Variants in COX7B2 observed in about 807,000 individuals in gnomAD.
The protein encoded by COX7B2 is cytochrome c oxidase subunit 7B2, mitochondrial.
For missense variants in COX7B2, 109 were observed against 95.9 expected (o/e 1.14, Z -0.57); for synonymous variants, 37 against 32.1 (o/e 1.15, Z -0.51).
intron 1 of COX7B2, among the ~76,000 whole-genome samples, chr4:46,903,721 T>A (rs970976515): frequency 1.3e-5 from 2 of 152,206 alleles, no homozygotes; most frequent in Admixed American, 1.3e-4. Context: ...GACCATTGTG[T>A]TACAAGGACC....
intron 1 of COX7B2, among the ~76,000 whole-genome samples, chr4:46,888,836 G>A (rs941540769): frequency 6.6e-6 from 1 of 152,094 alleles, no homozygotes; most frequent in African/African-American, 2.4e-5. Flanking sequence ...GTATCTTCCT[G>A]TAATCCCTCA....
At chr4:46,781,417 C>T (rs982349873) in intron 2 of COX7B2, among the ~76,000 whole-genome samples, 2 of 152,202 alleles carry the variant, frequency 1.3e-5, no homozygotes, top group East Asian at 3.9e-4. Flanking sequence ...GATACACCTT[C>T]CTCAGACATA....
At chr4:46,869,567 G>T (rs1717865073) in intron 1 of COX7B2, among the ~76,000 whole-genome samples, 1 of 151,944 alleles carries the variant, frequency 6.6e-6, no homozygotes, top group South Asian at 2.1e-4. Flanking sequence ...AGGTCTGGTG[G>T]GTAACAAACT....
At chr4:46,800,083 T>C (rs1338528825) in intron 2 of COX7B2, among the ~76,000 whole-genome samples, 1 of 152,088 alleles carries the variant, frequency 6.6e-6, no homozygotes, top group Admixed American at 6.6e-5. Flanking sequence ...CTGAAAAATC[T>C]CTACAGTGAA....
At chr4:46,877,560 G>A (rs747781276) in intron 1 of COX7B2, among the ~76,000 whole-genome samples, 9 of 151,960 alleles carry the variant, frequency 5.9e-5, no homozygotes, top group Non-Finnish European at 1.2e-4. Context: ...TTTAAAAATG[G>A]GCAAAGAACA....
chr4:46,880,412 C>CTT lies in COX7B2; in HGVS notation c.-105+28746_-105+28747dup, dbSNP rs548281459. ...CAGCATAAATCTATCAGGTCCTGGG[C>CTT]TTTTTTTTTTTTTTTTTTTTTTCTG... On this transcript the variant is annotated intron_variant, in intron 1 of 2. Transcript: ENST00000355591. 1.7e-3 allele frequency among the ~76,000 whole-genome samples: 144 copies of CTT among 85,604 alleles called. 2 individuals carry two copies. The highest frequency in any genetic ancestry group is 5.9e-3 in the Admixed American group (38 of 6,404). 56.2% of individuals were successfully genotyped at this position (85,604 alleles called of 152,430 possible).
chr4:46,900,034 C>A (rs547993938), intron 1 of COX7B2, among the ~76,000 whole-genome samples: 1 of 152,276 alleles, frequency 6.6e-6, no homozygotes, highest in East Asian at 1.9e-4. Context: ...AACATTTTCA[C>A]ATACCACAAG....
chr4:46,777,762 G>A (rs975759529), intron 2 of COX7B2, among the ~76,000 whole-genome samples: 6 of 152,146 alleles, frequency 3.9e-5, no homozygotes, highest in African/African-American at 1.4e-4. Flanking sequence ...GCTGGACATT[G>A]CAGCTGGTTC....
At chr4:46,794,899 A>T (rs1219158148) in intron 2 of COX7B2, among the ~76,000 whole-genome samples, 1 of 152,226 alleles carries the variant, frequency 6.6e-6, no homozygotes, top group Non-Finnish European at 1.5e-5. Context: ...ACAAAACTTT[A>T]ACCTGAAGCA....
At chr4:46,830,334 A>G (rs1714984873) in intron 2 of COX7B2, among the ~76,000 whole-genome samples, 1 of 151,638 alleles carries the variant, frequency 6.6e-6, no homozygotes, top group South Asian at 2.1e-4. Context: ...CAAAAAAAAA[A>G]AAAAAAAAAG....
intron 2 of COX7B2, among the ~76,000 whole-genome samples, chr4:46,801,056 C>T (rs1427619410): frequency 1.3e-5 from 2 of 152,016 alleles, no homozygotes; most frequent in Non-Finnish European, 2.9e-5. Context: ...TCACACTAGT[C>T]AGAATGACTA....
At chr4:46,763,242 A>G (rs1208362697) in intron 2 of COX7B2, among the ~76,000 whole-genome samples, 7 of 141,132 alleles carry the variant, frequency 5.0e-5, no homozygotes, top group African/African-American at 1.6e-4. Context: ...TTATATATAT[A>G]CATATATATA....
chr4:46,737,160 G>C (rs1271493712), intron 2 of COX7B2, among the ~76,000 whole-genome samples: 1 of 152,070 alleles, frequency 6.6e-6, no homozygotes. Flanking sequence ...CGGTAAATAG[G>C]TGTTTCATTT....
Position 46,862,469 on chromosome 4 carries a change from G to C in COX7B2, c.-104-17455C>G, listed in dbSNP as rs560269338. On this transcript the variant is annotated intron_variant, in intron 1 of 2. Coordinates refer to ENST00000355591, the MANE Select transcript of COX7B2 (RefSeq NM_130902.3). ...TATGTATGTACATGTGTTATGTGTT[G>C]TGTCTAGCATGCTATCAAATTAGCG... 2.0e-5 allele frequency among the ~76,000 whole-genome samples: 3 copies of C among 152,310 alleles called. No homozygotes were observed. In the East Asian group the frequency reaches 5.8e-4, roughly 29 times the overall value.
At chr4:46,897,593 C>T (rs770642625) in intron 1 of COX7B2, among the ~76,000 whole-genome samples, 4 of 152,194 alleles carry the variant, frequency 2.6e-5, no homozygotes, top group Non-Finnish European at 4.4e-5. Context: ...TATTCTGTCT[C>T]ATGCACCCCT....
intron 1 of COX7B2, among the ~76,000 whole-genome samples, chr4:46,857,242 T>A (rs1717057656): frequency 6.6e-6 from 1 of 152,172 alleles, no homozygotes; most frequent in South Asian, 2.1e-4. Flanking sequence ...TAAATGAAGA[T>A]AATAACAACA....
intron 2 of COX7B2, among the ~76,000 whole-genome samples, chr4:46,779,645 C>T (rs1297635034): frequency 6.6e-6 from 1 of 152,100 alleles, no homozygotes; most frequent in Non-Finnish European, 1.5e-5. Context: ...TTCCCACCAA[C>T]AGTGCACAAG....
chr4:46,889,675 C>CTA (rs1719306260), intron 1 of COX7B2, among the ~76,000 whole-genome samples: 7 of 152,214 alleles, frequency 4.6e-5, no homozygotes, highest in African/African-American at 1.7e-4. Context: ...AAAAGGAATG[C>CTA]CTCTTGAGGA....
intron 1 of COX7B2, among the ~76,000 whole-genome samples, chr4:46,874,206 A>G (rs1350503351): frequency 2.0e-5 from 3 of 152,238 alleles, no homozygotes; most frequent in Non-Finnish European, 2.9e-5. Context: ...AATTTAAAAC[A>G]TAAGACCAAA....
Sources: gnomAD v4.1 joint callset for allele counts (sites outside exome capture counted in the v4.1 genomes callset) on GRCh38, gnomAD v4.1.1 for gene constraint, MANE v1.5 for transcripts, NCBI Gene and HGNC (gene_info 2026-07-23, HGNC 2026-07-21) for gene names.